The following CLOCK variants were observed in gnomAD, a reference collection of about 807,000 sequenced individuals.
The protein encoded by CLOCK is circadian locomoter output cycles protein kaput.
In CLOCK, 43 loss-of-function variants were observed where a neutral mutation model predicts 118.4. The ratio of observed to expected loss-of-function variants is 0.36; its 90% CI spans 0.28 to 0.47. The LOEUF (loss-of-function observed/expected upper bound fraction) is 0.47. CLOCK is among the 20% of genes least tolerant of loss of function. The pLI is 1.00. For synonymous variants in CLOCK, 326 were observed against 339.2 expected, an observed-to-expected ratio of 0.96 and a Z score of 0.43; for missense variants, 846 against 999.9, an observed-to-expected ratio of 0.85 and a Z score of 2.08.
At chr4:55,439,468 A>AAT (rs1047887067) in intron 21 of CLOCK, among the ~76,000 whole-genome samples, 4 of 152,298 alleles carry the variant, frequency 2.6e-5, no homozygotes, top group African/African-American at 9.6e-5. Context: ...TTCCTCAAAA[A>AAT]ATTCACTATA....
intron 4 of CLOCK, among the ~76,000 whole-genome samples, chr4:55,481,640 G>A (rs1726941578): frequency 6.6e-6 from 1 of 152,152 alleles, no homozygotes; most frequent in African/African-American, 2.4e-5. Context: ...TAAAAAGGGA[G>A]AAGAGCTGTC....
intron 2 of CLOCK, among the ~76,000 whole-genome samples, chr4:55,501,316 G>A (rs962946472): frequency 7.0e-6 from 1 of 142,666 alleles, no homozygotes; most frequent in African/African-American, 2.5e-5. Context: ...TGTATATGAG[G>A]GTTTTTTAAA....
At chr4:55,435,631 C>A (rs1462681116) in intron 22 of CLOCK, 37 bp from the exon 23 acceptor site, 18 of 1,602,694 alleles carry the variant, frequency 1.1e-5, no homozygotes, top group Non-Finnish European at 1.5e-5. Flanking sequence ...TTGCTTTACT[C>A]CCTTTATGGC....
In CLOCK at chr4:55,449,461, GA is replaced by G; in HGVS notation, c.1383del (p.Pro462HisfsTer24). 6.2e-7 allele frequency: 1 copy of G among 1,613,994 alleles called. No individual in the cohort carries two copies. Among genetic ancestry groups the G allele is most frequent in the Non-Finnish European group, 8.5e-7 (1 of 1,179,936 alleles). On this transcript the variant is annotated frameshift_variant, in exon 17 of 23. Transcript: ENST00000513440. LOFTEE classifies it high-confidence loss of function. ...TPTKIPTDTS[T>X]PPRQHLPAHE... ...TGAGCTGGTAAATGCTGCCTGGGTG[GA>G]GTGCTCGTATCCGTCGGGATCTTGG...
At chr4:55,537,513 T>C (rs1025713765) in intron 1 of CLOCK, among the ~76,000 whole-genome samples, 6 of 151,938 alleles carry the variant, frequency 3.9e-5, no homozygotes, top group African/African-American at 1.2e-4. Flanking sequence ...CAGCACTTAA[T>C]AGACTCTGGT....
At chr4:55,532,994 A>G (rs894396600) in intron 1 of CLOCK, among the ~76,000 whole-genome samples, 2 of 152,212 alleles carry the variant, frequency 1.3e-5, no homozygotes, top group African/African-American at 4.8e-5. Context: ...ATGGAAAAAC[A>G]TTCCGTGTTT....
intron 1 of CLOCK, among the ~76,000 whole-genome samples, chr4:55,537,666 T>C (rs1225157941): frequency 1.3e-5 from 2 of 151,982 alleles, no homozygotes; most frequent in African/African-American, 2.4e-5. Context: ...TGGTGGCACA[T>C]GCCTGCAGTC....
intron 21 of CLOCK, 33 bp from the exon 22 acceptor site, chr4:55,438,570 C>CCAAAGTA: frequency 1.2e-6 from 2 of 1,612,080 alleles, no homozygotes; most frequent in African/African-American, 2.7e-5. Flanking sequence ...AAATTGGAGT[C>CCAAAGTA]CAAAGTACAA....
chr4:55,511,663 T>C (rs1729155945), intron 1 of CLOCK, among the ~76,000 whole-genome samples: 2 of 152,154 alleles, frequency 1.3e-5, no homozygotes, highest in Non-Finnish European at 2.9e-5. Context: ...CTTAGTGCTG[T>C]ACATTTTATG....
In CLOCK at chr4:55,458,966, T is replaced by C. The variant is rs1181042276; in HGVS notation, c.718A>G (p.Thr240Ala). 6.2e-6 allele frequency: 10 copies of C among 1,613,888 alleles called. No individual in the cohort carries two copies. The East Asian group carries it at 6.7e-5, about 11-fold the overall frequency. The change falls in exon 11 of 23, where the codon ACA becomes GCA. Residue 240 changes from threonine (T) to alanine (A), a missense_variant. Thr to Ala is a moderately conservative substitution (Grantham distance 58). Transcript: ENST00000513440. ...HNGFEGTIQR[T>A]HRPSYEDRVC... ...CTATCTTCATAAGATGGCCTATGTG[T>C]GCGTTGTATAGTTCCTTCAAAACCA...
At chr4:55,534,707 A>G (rs1730769997) in intron 1 of CLOCK, among the ~76,000 whole-genome samples, 1 of 152,306 alleles carries the variant, frequency 6.6e-6, no homozygotes, top group East Asian at 1.9e-4. Context: ...CAGAATGCTC[A>G]ATAAATACTT....
At chr4:55,499,586 G>A (rs1173785996) in intron 2 of CLOCK, among the ~76,000 whole-genome samples, 7 of 152,208 alleles carry the variant, frequency 4.6e-5, no homozygotes, top group Non-Finnish European at 2.9e-5. Context: ...GACAGGAGGC[G>A]GAGCTCAGGC....
At chr4:55,506,467 T>C (rs1429740057) in intron 2 of CLOCK, among the ~76,000 whole-genome samples, 2 of 152,066 alleles carry the variant, frequency 1.3e-5, no homozygotes, top group African/African-American at 2.4e-5. Flanking sequence ...AGAGGTTCAG[T>C]GTAAGAGCTG....
intron 1 of CLOCK, among the ~76,000 whole-genome samples, chr4:55,518,666 C>T (rs1729666401): frequency 1.3e-5 from 2 of 152,124 alleles, no homozygotes; most frequent in South Asian, 2.1e-4. Context: ...GAGCTTGTTC[C>T]CCTCCCTTTC....
intron 2 of CLOCK, among the ~76,000 whole-genome samples, chr4:55,491,960 G>T (rs978830987): frequency 2.0e-5 from 3 of 152,106 alleles, no homozygotes; most frequent in Admixed American, 2.0e-4. Flanking sequence ...CTTCACTGAA[G>T]AATTCTACCA....
At position 55,510,633 on chromosome 4, in the gene CLOCK, A is replaced by ATT. The variant is rs1390129775; in HGVS notation, c.-289-569_-289-568insAA. Reference sequence around the variant, plus strand: ...CAGAACAAGACTCTGTCTTTTTAAAAAAAAAAAAAAAAAAAAAAAAGGTTT... The same window carrying ATT: ...CAGAACAAGACTCTGTCTTTTTAAAATTAAAAAAAAAAAAAAAAAAAAGGTTT... On this transcript the variant is annotated intron_variant, in intron 1 of 22. Transcript: ENST00000513440. 2.6e-3 allele frequency among the ~76,000 whole-genome samples: 370 copies of ATT among 144,736 alleles called. No individual in the cohort carries two copies. The East Asian group carries it at 0.026, about 10-fold the overall frequency. The allele number at this position is 144,736 out of a possible 152,430, so 95.0% of individuals were successfully genotyped here. A position where few individuals can be genotyped will look rare whatever the true frequency, so the allele number is the denominator to read the frequency against.
At chr4:55,465,769 T>C (rs778563843) in intron 8 of CLOCK, among the ~76,000 whole-genome samples, 3 of 152,022 alleles carry the variant, frequency 2.0e-5, no homozygotes, top group African/African-American at 4.8e-5. Flanking sequence ...CTGGCTAACA[T>C]GGAGAAACCT....
chr4:55,492,445 A>G (rs1343505209), intron 2 of CLOCK, among the ~76,000 whole-genome samples: 1 of 152,176 alleles, frequency 6.6e-6, no homozygotes. Flanking sequence ...TAAAAAATAA[A>G]TTGGTTTGAA....
intron 8 of CLOCK, among the ~76,000 whole-genome samples, chr4:55,467,917 A>C (rs1281952015): frequency 2.0e-5 from 3 of 152,188 alleles, no homozygotes. Context: ...GAACCAAAGA[A>C]ATTAGCAAAT....
Sources: gnomAD v4.1 joint callset for allele counts (sites outside exome capture counted in the v4.1 genomes callset) on GRCh38, gnomAD v4.1.1 for gene constraint, MANE v1.5 for transcripts, NCBI Gene and HGNC (gene_info 2026-07-23, HGNC 2026-07-21) for gene names.